MYT1L: variants seen among roughly 807,000 people sequenced by gnomAD.
MYT1L encodes the protein myelin transcription factor 1-like protein.
MYT1L carries 12 observed loss-of-function variants against 126.7 expected under a neutral mutation model. That is an observed-to-expected ratio of 0.09 (90% CI 0.06 to 0.15). The LOEUF (loss-of-function observed/expected upper bound fraction) is 0.15, where lower values mean the gene tolerates loss of function less well. MYT1L is among the 10% of genes least tolerant of loss of function. The pLI is 1.00. For synonymous variants in MYT1L, 541 were observed against 604.2 expected (o/e 0.90, Z 1.53); for missense variants, 979 against 1,585.2 (o/e 0.62, Z 6.49).
At chr2:1,914,165 C>T (rs1425674474) in intron 11 of MYT1L, among the ~76,000 whole-genome samples, 4 of 151,688 alleles carry the variant, frequency 2.6e-5, no homozygotes, top group African/African-American at 4.8e-5. Context: ...GAAGCAGGAG[C>T]ATCACTTGAT....
At chr2:2,104,362 G>C (rs1398661102) in intron 3 of MYT1L, among the ~76,000 whole-genome samples, 1 of 152,196 alleles carries the variant, frequency 6.6e-6, no homozygotes, top group Non-Finnish European at 1.5e-5. Flanking sequence ...TAATAGCATG[G>C]TACTGCAGTC....
chr2:2,319,054 A>G (rs982204428), intron 1 of MYT1L, among the ~76,000 whole-genome samples: 1 of 152,210 alleles, frequency 6.6e-6, no homozygotes, highest in Non-Finnish European at 1.5e-5. Flanking sequence ...TCTAATTTGA[A>G]TTCTCCTCTC....
At chr2:2,033,052 C>A (rs1248186141) in intron 4 of MYT1L, among the ~76,000 whole-genome samples, 1 of 119,802 alleles carries the variant, frequency 8.3e-6, no homozygotes. Context: ...GAGGGCCTTA[C>A]ACACACCCCT....
At chr2:2,022,115 G>C (rs2065097303) in intron 4 of MYT1L, among the ~76,000 whole-genome samples, 1 of 152,196 alleles carries the variant, frequency 6.6e-6, no homozygotes, top group Admixed American at 6.5e-5. Context: ...GCAGCACACT[G>C]TTCGTAAAAG....
At chr2:1,948,851 T>C (rs765953037) in intron 8 of MYT1L, among the ~76,000 whole-genome samples, 1 of 152,230 alleles carries the variant, frequency 6.6e-6, no homozygotes, top group Non-Finnish European at 1.5e-5. Flanking sequence ...ACATCCACAA[T>C]GCACTGACAG....
At chr2:1,923,652 T>C (rs1273058164) in intron 9 of MYT1L, among the ~76,000 whole-genome samples, 1 of 152,262 alleles carries the variant, frequency 6.6e-6, no homozygotes, top group Admixed American at 6.5e-5. Flanking sequence ...CTCACATTAC[T>C]AGGCTTTCTA....
Position 2,048,842 on chromosome 2 carries a change from C to T in MYT1L, c.-158+5136G>A, listed in dbSNP as rs562541764. Among the ~76,000 whole-genome samples, 14 of 152,256 alleles carry T rather than the reference C, an allele frequency of 9.2e-5. No individual in the cohort carries two copies. In the South Asian group the frequency reaches 1.7e-3, roughly 18 times the overall value. On this transcript the variant is annotated intron_variant, in intron 4 of 24. Transcript: ENST00000647738. ...ATGATTTGCAGTTTCCACCACACTC[C>T]GGAATAGGAGGACAGGGATCAGTAG...
chr2:1,887,700 C>T lies in MYT1L; in HGVS notation c.2521-91G>A, dbSNP rs2048329664. On this transcript the variant is annotated intron_variant, in intron 16 of 24. Transcript: ENST00000647738. The surrounding 1 kb of genome is among the most constrained non-coding windows in gnomAD (Gnocchi z 4.8). ...GTTCGTGGCTCTGGGGTGGCCTCTA[C>T]ATCTTACACCTCTTTCTGCTGTACC... The T allele has an allele frequency of 4.9e-6, 7 of 1,430,478 alleles. No individual in the cohort carries two copies. Among genetic ancestry groups the T allele is most frequent in the South Asian group, 1.2e-5 (1 of 84,752 alleles). The allele number at this position is 1,430,478 out of a possible 1,614,324, so 88.6% of individuals were successfully genotyped here.
chr2:2,251,069 T>C (rs1321944583), intron 2 of MYT1L, among the ~76,000 whole-genome samples: 1 of 152,162 alleles, frequency 6.6e-6, no homozygotes, highest in East Asian at 1.9e-4. Flanking sequence ...AGGTGAAGTA[T>C]CAAATCTTAT....
intron 14 of MYT1L, among the ~76,000 whole-genome samples, chr2:1,901,871 G>A (rs1030419214): frequency 3.3e-5 from 5 of 152,196 alleles, no homozygotes; most frequent in African/African-American, 1.2e-4. Flanking sequence ...TGTTGGCCAG[G>A]CTGGTCTTGA....
intron 19 of MYT1L, among the ~76,000 whole-genome samples, chr2:1,846,277 G>A (rs1046417296): frequency 6.6e-6 from 1 of 152,186 alleles, no homozygotes; most frequent in Non-Finnish European, 1.5e-5. Flanking sequence ...CTGTTCCTTA[G>A]CCTCGGGGAC....
intron 9 of MYT1L, among the ~76,000 whole-genome samples, chr2:1,941,495 T>C (rs1169771426): frequency 6.6e-6 from 1 of 152,202 alleles, no homozygotes; most frequent in Non-Finnish European, 1.5e-5. Context: ...CACAAATCTA[T>C]TATTTTAATT....
intron 4 of MYT1L, among the ~76,000 whole-genome samples, chr2:2,024,627 TTTG>T (rs2065345040): frequency 6.6e-6 from 1 of 152,198 alleles, no homozygotes; most frequent in Admixed American, 6.5e-5. Context: ...CCAGGCCGGC[TTTG>T]TTGTTGCCAT....
At chr2:2,155,492 C>G (rs2086579111) in intron 3 of MYT1L, among the ~76,000 whole-genome samples, 1 of 152,112 alleles carries the variant, frequency 6.6e-6, no homozygotes, top group Non-Finnish European at 1.5e-5. Flanking sequence ...TGATGTATGT[C>G]ATCTCATCTA....
chr2:1,983,084 T>TA, intron 5 of MYT1L, among the ~76,000 whole-genome samples: 1 of 152,204 alleles, frequency 6.6e-6, no homozygotes, highest in Non-Finnish European at 1.5e-5. Context: ...AATCAGTTAT[T>TA]AAATAAATCA....
At chr2:2,098,920 C>A (rs922271066) in intron 3 of MYT1L, among the ~76,000 whole-genome samples, 9 of 152,130 alleles carry the variant, frequency 5.9e-5, no homozygotes, top group African/African-American at 1.9e-4. Flanking sequence ...AACCCACCAA[C>A]AACTTTATCC....
chr2:2,004,181 C>CTTTCCTGAATATGTT (rs1558696627), intron 4 of MYT1L, among the ~76,000 whole-genome samples: 1 of 101,428 alleles, frequency 9.9e-6, no homozygotes, highest in Non-Finnish European at 2.0e-5. Flanking sequence ...CTGCGTGCCT[C>CTTTCCTGAATATGTT]CTTTCCTGCA....
chr2:1,916,312 G>T (rs1011640598), intron 11 of MYT1L, among the ~76,000 whole-genome samples: 31 of 152,176 alleles, frequency 2.0e-4, no homozygotes, highest in African/African-American at 7.2e-4. Context: ...GGGCCTTAAA[G>T]TAGTTAACTG....
intron 3 of MYT1L, among the ~76,000 whole-genome samples, chr2:2,060,169 G>A (rs752199990): frequency 5.3e-4 from 81 of 152,254 alleles, no homozygotes; most frequent in African/African-American, 1.9e-3. Flanking sequence ...CAGCTTCAGG[G>A]GTGACACTCC....
Sources: gnomAD v4.1 joint callset for allele counts (sites outside exome capture counted in the v4.1 genomes callset) on GRCh38, gnomAD v4.1.1 for gene constraint, Gnocchi (gnomAD v3.1) non-coding constraint, MANE v1.5 for transcripts, NCBI Gene and HGNC (gene_info 2026-07-23, HGNC 2026-07-21) for gene names.